Variants in DLGAP2 observed in about 807,000 individuals in gnomAD.
DLGAP2 encodes disks large-associated protein 2.
In DLGAP2, 26 loss-of-function variants were observed where a neutral mutation model predicts 100.3. The observed-to-expected ratio is 0.26, with a 90% CI of 0.19 to 0.36. The LOEUF (loss-of-function observed/expected upper bound fraction) is 0.36. Among genes scored for constraint, DLGAP2 ranks in the 10% least tolerant of loss-of-function variants. The probability of loss-of-function intolerance (pLI) is 1.00; values close to 1 mark genes in which losing one functional copy is unlikely to be tolerated. For missense variants in DLGAP2, 1,858 were observed against 1,453.2 expected, an observed-to-expected ratio of 1.28 and a Z score of -4.53; for synonymous variants, 886 against 630.1, an observed-to-expected ratio of 1.41 and a Z score of -6.08.
intron 6 of DLGAP2, among the ~76,000 whole-genome samples, chr8:1,572,506 T>G (rs1225206206): frequency 3.4e-3 from 211 of 62,172 alleles, no homozygotes; most frequent in Middle Eastern, 0.014. Context: ...GGGGGCATCT[T>G]CTGGGATGGA....
At chr8:1,075,788 C>T (rs564239155) in intron 2 of DLGAP2, among the ~76,000 whole-genome samples, 57 of 151,952 alleles carry the variant, frequency 3.8e-4, no homozygotes, top group African/African-American at 1.3e-3. Flanking sequence ...GCTCAGAGGC[C>T]GGGTGTCCCA....
chr8:1,610,445 C>T (rs1257463249), intron 6 of DLGAP2, among the ~76,000 whole-genome samples: 71 of 148,046 alleles, frequency 4.8e-4, no homozygotes, highest in Non-Finnish European at 9.0e-4. Context: ...AGGAAAGATC[C>T]AAAATTGACA....
intron 2 of DLGAP2, among the ~76,000 whole-genome samples, chr8:926,457 T>C (rs1160834152): frequency 2.0e-5 from 3 of 152,200 alleles, no homozygotes; most frequent in Non-Finnish European, 2.9e-5. Flanking sequence ...CCATCCACGA[T>C]GGTAATTTCT....
In DLGAP2 at chr8:888,625, C is replaced by T. The variant is rs532299559; in HGVS notation, c.19-19287C>T. 2.0e-4 allele frequency among the ~76,000 whole-genome samples: 30 copies of T among 150,684 alleles called. No individual in the cohort carries two copies. In the East Asian group the frequency reaches 3.3e-3, roughly 17 times the overall value. On this transcript the variant is annotated intron_variant, in intron 1 of 14. Transcript: ENST00000637795. ...CTGCTTTTTTTTTTTTTCAATAATC[C>T]GGTCCCTCTTCTGTTGGGGTGCTGC... is the stretch of plus-strand genomic sequence containing the variant.
intron 2 of DLGAP2, among the ~76,000 whole-genome samples, chr8:1,228,517 C>A (rs1331547888): frequency 6.6e-6 from 1 of 152,166 alleles, no homozygotes. Context: ...AACTACAAAC[C>A]AGTGCCTCTT....
At chr8:1,381,823 G>GTA (rs1796102988) in intron 3 of DLGAP2, among the ~76,000 whole-genome samples, 1 of 140,376 alleles carries the variant, frequency 7.1e-6, no homozygotes, top group Non-Finnish European at 1.5e-5. Flanking sequence ...GTGTGTGTGT[G>GTA]TTTGTATCAC....
At chr8:930,150 G>A (rs1426396733) in intron 2 of DLGAP2, among the ~76,000 whole-genome samples, 2 of 152,086 alleles carry the variant, frequency 1.3e-5, no homozygotes, top group Non-Finnish European at 2.9e-5. Context: ...CCTTTTTGCA[G>A]ACCTTAGAAA....
chr8:979,093 C>G (rs1372373703), intron 2 of DLGAP2, among the ~76,000 whole-genome samples: 1 of 151,974 alleles, frequency 6.6e-6, no homozygotes, highest in Non-Finnish European at 1.5e-5. Flanking sequence ...ATTAAGAATT[C>G]TAAATTGGGG....
intron 1 of DLGAP2, among the ~76,000 whole-genome samples, chr8:756,258 C>T (rs1301548915): frequency 6.6e-6 from 1 of 151,902 alleles, no homozygotes; most frequent in Non-Finnish European, 1.5e-5. Flanking sequence ...TGGGCTCATG[C>T]TGTTTAGCAA....
Position 1,701,478 on chromosome 8 carries a change from G to C in DLGAP2, c.*72G>C, listed in dbSNP as rs573708294. ...GCTTGTGCAGCGCGGCGCCGCCCTG[G>C]TGGTTTCTGTCTCCTCCTCCCGCTG... On this transcript the variant is annotated 3_prime_UTR_variant, in exon 15 of 15. Coordinates refer to ENST00000637795, the MANE Select transcript of DLGAP2 (RefSeq NM_001346810.2). 28 of 1,451,190 alleles carry C rather than the reference G, an allele frequency of 1.9e-5. No individual in the cohort carries two copies. The South Asian group carries it at 3.5e-4, about 18-fold the overall frequency. The allele number at this position is 1,451,190 out of a possible 1,614,324, so 89.9% of individuals were successfully genotyped here. A position where few individuals can be genotyped will look rare whatever the true frequency, so the allele number is the denominator to read the frequency against.
intron 2 of DLGAP2, among the ~76,000 whole-genome samples, chr8:1,031,549 C>G (rs1381327390): frequency 1.3e-5 from 2 of 152,062 alleles, no homozygotes; most frequent in Admixed American, 6.6e-5. Context: ...GTAGCTGGGA[C>G]TATAGGGTGC....
At chr8:1,065,241 A>G (rs1803209672) in intron 2 of DLGAP2, among the ~76,000 whole-genome samples, 1 of 152,240 alleles carries the variant, frequency 6.6e-6, no homozygotes, top group South Asian at 2.1e-4. Flanking sequence ...AGATACAGCC[A>G]TTGCCAGGAA....
At chr8:991,715 AC>A (rs1475058327) in intron 2 of DLGAP2, among the ~76,000 whole-genome samples, 1 of 4,012 alleles carries the variant, frequency 2.5e-4, no homozygotes, top group African/African-American at 2.8e-3. Flanking sequence ...CCTTGCCCAG[AC>A]CCCCTGCACC....
At chr8:1,421,216 C>T (rs1010091519) in intron 3 of DLGAP2, among the ~76,000 whole-genome samples, 1 of 152,186 alleles carries the variant, frequency 6.6e-6, no homozygotes, top group Admixed American at 6.5e-5. Context: ...CTGAGTGTTT[C>T]ATGTTGTGTG....
chr8:1,378,408 C>T (rs557631324), intron 3 of DLGAP2, among the ~76,000 whole-genome samples: 20 of 150,758 alleles, frequency 1.3e-4, no homozygotes, highest in Admixed American at 1.3e-3. Flanking sequence ...CACCTGACTT[C>T]GCCTGTCCGT....
At chr8:1,199,026 G>T (rs554232662) in intron 2 of DLGAP2, among the ~76,000 whole-genome samples, 2 of 152,258 alleles carry the variant, frequency 1.3e-5, no homozygotes, top group Non-Finnish European at 2.9e-5. Context: ...AGCAGAGGTC[G>T]CGTGGTTGAA....
chr8:867,553 G>C (rs536164415), intron 1 of DLGAP2, among the ~76,000 whole-genome samples: 2 of 152,284 alleles, frequency 1.3e-5, no homozygotes, highest in East Asian at 3.9e-4. Flanking sequence ...GCTGCATTCA[G>C]GCTGGACCTG....
intron 2 of DLGAP2, among the ~76,000 whole-genome samples, chr8:1,026,385 C>T (rs1801800713): frequency 6.6e-6 from 1 of 152,334 alleles, no homozygotes; most frequent in Non-Finnish European, 1.5e-5. Flanking sequence ...TGGTGTTGTA[C>T]TGTCTGGCTT....
intron 5 of DLGAP2, among the ~76,000 whole-genome samples, chr8:1,551,518 T>G (rs979279530): frequency 6.6e-6 from 1 of 152,154 alleles, no homozygotes; most frequent in Non-Finnish European, 1.5e-5. Flanking sequence ...TCCAAGGAGC[T>G]TCTTCCACCC....
Sources: gnomAD v4.1 joint callset for allele counts (sites outside exome capture counted in the v4.1 genomes callset) on GRCh38, gnomAD v4.1.1 for gene constraint, MANE v1.5 for transcripts, NCBI Gene and HGNC (gene_info 2026-07-23, HGNC 2026-07-21) for gene names.